Variants in SYNCRIP observed in about 807,000 individuals in gnomAD.
SYNCRIP encodes the protein heterogeneous nuclear ribonucleoprotein Q.
A neutral mutation model predicts 68.9 loss-of-function variants in SYNCRIP; 9 were observed. That is an observed-to-expected ratio of 0.13 (90% CI 0.08 to 0.23). The LOEUF is 0.23. Ranked by LOEUF, SYNCRIP falls within the 10% of genes least tolerant of loss-of-function variation. SYNCRIP has a pLI of 1.00. For missense variants in SYNCRIP, 414 were observed against 770.6 expected (o/e 0.54, Z 5.48); for synonymous variants, 258 against 254.0 (o/e 1.02, Z -0.15).
intron 10 of SYNCRIP, among the ~76,000 whole-genome samples, chr6:85,617,690 T>G (rs574129794): frequency 2.0e-5 from 3 of 152,248 alleles, no homozygotes; most frequent in Non-Finnish European, 4.4e-5. Flanking sequence ...ACTGGACAAT[T>G]AACTGCAGAA....
chr6:85,627,794 C>A (rs996482860), intron 6 of SYNCRIP, among the ~76,000 whole-genome samples: 2 of 152,094 alleles, frequency 1.3e-5, no homozygotes, highest in African/African-American at 2.4e-5. Context: ...CTGAGATGAA[C>A]CAAATAGAAA....
intron 6 of SYNCRIP, among the ~76,000 whole-genome samples, chr6:85,632,530 G>A (rs1807919232): frequency 6.6e-6 from 1 of 152,148 alleles, no homozygotes; most frequent in Non-Finnish European, 1.5e-5. Context: ...AAAAAAACTT[G>A]AGATTTGTAT....
rs746427285 is a variant in SYNCRIP at position 85,615,007 on chromosome 6, C to A, written c.1621G>T (p.Gly541Cys). 6.2e-7 allele frequency: 1 copy of A among 1,613,782 alleles called. No individual in the cohort carries two copies. Among genetic ancestry groups the A allele is most frequent in the Non-Finnish European group, 8.5e-7 (1 of 1,179,820 alleles). Residue 541 changes from glycine (G) to cysteine (C), a missense_variant, in exon 11 of 11, where the codon GGT (glycine) becomes TGT (cysteine). Coordinates refer to ENST00000369622, the MANE Select transcript of SYNCRIP (RefSeq NM_006372.5). The stretch of plus-strand genomic sequence containing the variant: ...CCGCGGCCTCTTTGTTGTTGGGCAC[C>A]TCCTCTCGCACCTCGAACGCCTCTT... ...SARGVRGARG[G>C]AQQQRGRGVR... is the part of the protein sequence containing the mutation.
At chr6:85,626,160 A>T (rs1807011778) in intron 6 of SYNCRIP, among the ~76,000 whole-genome samples, 1 of 152,270 alleles carries the variant, frequency 6.6e-6, no homozygotes, top group Non-Finnish European at 1.5e-5. Flanking sequence ...TAGCAGAGCT[A>T]TGGCTGAATC....
intron 6 of SYNCRIP, among the ~76,000 whole-genome samples, chr6:85,630,366 C>A (rs560094095): frequency 2.9e-4 from 44 of 152,084 alleles, no homozygotes; most frequent in Admixed American, 7.2e-4. Context: ...ATCTCAAAAA[C>A]AAACAAACAA....
At chr6:85,640,413 A>T (rs371401455) in intron 3 of SYNCRIP, 33 bp downstream of exon 3, 8 of 1,584,212 alleles carry the variant, frequency 5.0e-6, no homozygotes, top group Admixed American at 1.8e-5. Context: ...AACTACTCAA[A>T]TTTTTTAATT....
At chr6:85,634,910 C>T (rs1473077126) in intron 6 of SYNCRIP, among the ~76,000 whole-genome samples, 1 of 152,204 alleles carries the variant, frequency 6.6e-6, no homozygotes, top group South Asian at 2.1e-4. Context: ...TGGCTCATGC[C>T]TGTCATCCCA....
intron 6 of SYNCRIP, among the ~76,000 whole-genome samples, chr6:85,625,480 T>C (rs1806932312): frequency 6.6e-6 from 1 of 151,640 alleles, no homozygotes; most frequent in Non-Finnish European, 1.5e-5. Context: ...CTCCGCCTCC[T>C]GGGTTCAAGC....
intron 4 of SYNCRIP, among the ~76,000 whole-genome samples, chr6:85,638,384 A>G (rs1808725510): frequency 7.5e-6 from 1 of 133,670 alleles, no homozygotes; most frequent in Non-Finnish European, 1.6e-5. Flanking sequence ...CCATCTCAAA[A>G]AAAAAAAAAA....
rs1009905944 is a variant in SYNCRIP at position 85,614,627 on chromosome 6, G to A, written c.*129C>T. ...AGTGTGGCTTTGTTCGTGTCCAAGC[G>A]GATTGTTAAAATATATACATAAAGG... On this transcript the variant is annotated 3_prime_UTR_variant, in exon 11 of 11. Coordinates refer to ENST00000369622, the MANE Select transcript of SYNCRIP (RefSeq NM_006372.5). 9 of 1,341,310 alleles carry A rather than the reference G, an allele frequency of 6.7e-6. No homozygotes were observed. In the East Asian group the frequency reaches 1.2e-4, roughly 17 times the overall value. 83.1% of individuals were successfully genotyped at this position (1,341,310 alleles called of 1,614,324 possible). A position where few individuals can be genotyped will look rare whatever the true frequency, so the allele number is the denominator to read the frequency against.
chr6:85,631,675 C>A (rs1370377926), intron 6 of SYNCRIP, among the ~76,000 whole-genome samples: 1 of 152,198 alleles, frequency 6.6e-6, no homozygotes, highest in Non-Finnish European at 1.5e-5. Flanking sequence ...TCTTTTAACA[C>A]TACCTAAACC....
chr6:85,632,173 T>C (rs1349003615), intron 6 of SYNCRIP, among the ~76,000 whole-genome samples: 1 of 152,318 alleles, frequency 6.6e-6, no homozygotes, highest in East Asian at 1.9e-4. Flanking sequence ...CTATTTAACC[T>C]AGAGAAACTA....
intron 4 of SYNCRIP, 52 bp downstream of exon 4, chr6:85,640,169 T>C: frequency 2.4e-6 from 3 of 1,273,450 alleles, no homozygotes; most frequent in Non-Finnish European, 3.4e-6. Context: ...TTACCAAAAT[T>C]AGGAAACAGT....
At chr6:85,634,495 T>C (rs988969448) in intron 6 of SYNCRIP, among the ~76,000 whole-genome samples, 1 of 152,112 alleles carries the variant, frequency 6.6e-6, no homozygotes, top group African/African-American at 2.4e-5. Flanking sequence ...CAGGAACCCA[T>C]ACCAAAATCC....
intron 6 of SYNCRIP, among the ~76,000 whole-genome samples, chr6:85,626,955 T>C (rs1033485198): frequency 6.6e-6 from 1 of 152,146 alleles, no homozygotes; most frequent in Non-Finnish European, 1.5e-5. Context: ...GATTCCTCCC[T>C]ACCCACATTT....
chr6:85,622,833 A>G, intron 7 of SYNCRIP, 146 bp from the exon 8 acceptor site: 2 of 676,640 alleles, frequency 3.0e-6, no homozygotes, highest in South Asian at 3.9e-5. Flanking sequence ...AAAGACTATC[A>G]AAAACTAGGT....
At chr6:85,640,065 C>T (rs1467927084) in intron 4 of SYNCRIP, among the ~76,000 whole-genome samples, 156 bp downstream of exon 4, 1 of 151,910 alleles carries the variant, frequency 6.6e-6, no homozygotes, top group East Asian at 1.9e-4. Context: ...GCTTTAGAAA[C>T]AAATAGTTTA....
At chr6:85,622,391 G>C in intron 8 of SYNCRIP, 91 bp downstream of exon 8, 1 of 1,214,258 alleles carries the variant, frequency 8.2e-7, no homozygotes, top group Non-Finnish European at 1.2e-6. Flanking sequence ...ATAAAAAAAT[G>C]TATACTGTTC....
chr6:85,626,283 T>C (rs1431626016), intron 6 of SYNCRIP, among the ~76,000 whole-genome samples: 1 of 152,232 alleles, frequency 6.6e-6, no homozygotes, highest in Non-Finnish European at 1.5e-5. Context: ...TGGATTCTTA[T>C]AATCTAGCAT....
Sources: gnomAD v4.1 joint callset for allele counts (sites outside exome capture counted in the v4.1 genomes callset) on GRCh38, gnomAD v4.1.1 for gene constraint, MANE v1.5 for transcripts, NCBI Gene and HGNC (gene_info 2026-07-23, HGNC 2026-07-21) for gene names.